SLC22A23: variants seen among roughly 807,000 people sequenced by gnomAD.
SLC22A23 encodes ion transporter protein.
SLC22A23 carries 26 observed loss-of-function variants against 61.0 expected under a neutral mutation model. That is an observed-to-expected ratio of 0.43 (90% CI 0.31 to 0.59). SLC22A23 has a LOEUF of 0.59. Ranked by LOEUF, SLC22A23 falls within the 20% of genes least tolerant of loss-of-function variation. The pLI is 0.11. For synonymous variants in SLC22A23, 430 were observed against 413.9 expected, an observed-to-expected ratio of 1.04 and a Z score of -0.47; for missense variants, 796 against 934.7, an observed-to-expected ratio of 0.85 and a Z score of 1.94.
At chr6:3,294,684 A>G (rs1034582609) in intron 5 of SLC22A23, among the ~76,000 whole-genome samples, 2 of 152,146 alleles carry the variant, frequency 1.3e-5, no homozygotes, top group Non-Finnish European at 2.9e-5. Flanking sequence ...ATGACACAGG[A>G]GTGCTCTCAG....
At chr6:3,336,735 G>A (rs1410940485) in intron 3 of SLC22A23, among the ~76,000 whole-genome samples, 1 of 151,620 alleles carries the variant, frequency 6.6e-6, no homozygotes, top group East Asian at 1.9e-4. Flanking sequence ...ACTTCCATGT[G>A]GAAATTTATT....
At chr6:3,401,169 C>A (rs946179336) in intron 3 of SLC22A23, among the ~76,000 whole-genome samples, 1 of 152,320 alleles carries the variant, frequency 6.6e-6, no homozygotes, top group Admixed American at 6.5e-5. Flanking sequence ...TGGCAAAACC[C>A]CGTCTCTACT....
chr6:3,273,725 C>T (rs1441950130), intron 9 of SLC22A23, among the ~76,000 whole-genome samples: 1 of 152,014 alleles, frequency 6.6e-6, no homozygotes, highest in African/African-American at 2.4e-5. Flanking sequence ...GAAAGGCAGC[C>T]TTATATAATA....
chr6:3,294,206 T>C (rs13192615), intron 5 of SLC22A23, among the ~76,000 whole-genome samples: 12,233 of 152,138 alleles, frequency 0.08, 1,091 homozygotes, highest in African/African-American at 0.22. Context: ...ATGAGATACA[T>C]ATGAAGCGCT....
At chr6:3,320,397 C>G (rs2095548242) in intron 4 of SLC22A23, among the ~76,000 whole-genome samples, 1 of 152,158 alleles carries the variant, frequency 6.6e-6, no homozygotes, top group South Asian at 2.1e-4. Flanking sequence ...GGGGACCGTG[C>G]CTCGTGCAGC....
chr6:3,384,197 G>A (rs1767137094), intron 3 of SLC22A23, among the ~76,000 whole-genome samples: 1 of 152,230 alleles, frequency 6.6e-6, no homozygotes, highest in African/African-American at 2.4e-5. Flanking sequence ...TCATGCACCT[G>A]TAGGGCTGCA....
At chr6:3,384,388 G>A (rs114572317) in intron 3 of SLC22A23, among the ~76,000 whole-genome samples, 1,591 of 152,230 alleles carry the variant, frequency 0.01, 16 homozygotes, top group Middle Eastern at 0.017. Context: ...TAAAAATTAC[G>A]AATGCTGTAA....
chr6:3,405,445 C>T (rs930808349), intron 3 of SLC22A23, among the ~76,000 whole-genome samples: 12 of 151,984 alleles, frequency 7.9e-5, no homozygotes, highest in African/African-American at 2.2e-4. Context: ...GACAAAGAGA[C>T]GACCGAGCAC....
rs1763695051 is a variant in SLC22A23 at position 3,333,583 on chromosome 6, T to C, written c.914-9581A>G. The stretch of plus-strand genomic sequence containing the variant: ...TGTCCTCCCCAGGGAGTTGCATATC[T>C]CCCTCCTCCTTTTCTCAGGTCTCTA... On this transcript the variant is annotated intron_variant, in intron 3 of 9. Coordinates refer to ENST00000406686, the MANE Select transcript of SLC22A23 (RefSeq NM_015482.2). This position sits in a 1 kb window ranked among gnomAD's most constrained non-coding sequence, Gnocchi z 4.1. 6.6e-6 allele frequency among the ~76,000 whole-genome samples: 1 copy of C among 152,090 alleles called. No individual in the cohort carries two copies. Among genetic ancestry groups the C allele is most frequent in the Non-Finnish European group, 1.5e-5 (1 of 68,022 alleles).
At chr6:3,369,510 G>A (rs1190597712) in intron 3 of SLC22A23, among the ~76,000 whole-genome samples, 2 of 152,118 alleles carry the variant, frequency 1.3e-5, no homozygotes, top group African/African-American at 4.8e-5. Context: ...GGCCAACATG[G>A]TGAAACCCCA....
rs1054891539 is a variant in SLC22A23 at position 3,329,901 on chromosome 6, G to A, written c.914-5899C>T. Among the ~76,000 whole-genome samples, 7 of 152,224 alleles carry A rather than the reference G, an allele frequency of 4.6e-5. No homozygotes were observed. Among genetic ancestry groups the A allele is most frequent in the Non-Finnish European group, 4.4e-5 (3 of 68,018 alleles). On this transcript the variant is annotated intron_variant, in intron 3 of 9. Coordinates refer to ENST00000406686, the MANE Select transcript of SLC22A23 (RefSeq NM_015482.2). This position sits in a 1 kb window ranked among gnomAD's most constrained non-coding sequence, Gnocchi z 4.8. ...GGTGAGACGGGCTCAGGAAAGGACAGCGTCTGCCCACACTGCTCAGGCTCC... is the reference window on the plus strand; with the variant it reads ...GGTGAGACGGGCTCAGGAAAGGACAACGTCTGCCCACACTGCTCAGGCTCC...
At chr6:3,310,828 C>G (rs1385001474) in intron 4 of SLC22A23, among the ~76,000 whole-genome samples, 2 of 152,194 alleles carry the variant, frequency 1.3e-5, no homozygotes, top group African/African-American at 4.8e-5. Context: ...ATGAGACGCA[C>G]GTCTACCCTC....
intron 3 of SLC22A23, among the ~76,000 whole-genome samples, chr6:3,397,005 G>T (rs962562234): frequency 1.3e-5 from 2 of 152,016 alleles, no homozygotes; most frequent in Non-Finnish European, 2.9e-5. Flanking sequence ...AGAGCACCCC[G>T]TCACGCACGC....
intron 3 of SLC22A23, among the ~76,000 whole-genome samples, chr6:3,345,957 G>A (rs942266051): frequency 2.6e-5 from 4 of 152,152 alleles, no homozygotes; most frequent in African/African-American, 9.7e-5. Flanking sequence ...AGTGTTGGCT[G>A]CTGTGGCCTT....
rs184601707 is a variant in SLC22A23, at chr6:3,392,215, C to A, written c.913+17973G>T. 2.0e-5 allele frequency among the ~76,000 whole-genome samples: 3 copies of A among 152,268 alleles called. No homozygotes were observed. In the East Asian group the frequency reaches 5.8e-4, roughly 29 times the overall value. On this transcript the variant is annotated intron_variant, in intron 3 of 9. Coordinates refer to ENST00000406686, the MANE Select transcript of SLC22A23 (RefSeq NM_015482.2). ...GGTACCCATGACTTCTGAGCAGTGA[C>A]CTGAAGGGGAAGGAGTGTTCCTTCT...
rs1291064635 is a variant in SLC22A23, at chr6:3,287,034, C to T, written c.1371G>A (p.Val457=). The change falls in exon 7 of 10, where the codon GTG becomes GTA. Residue 457 remains valine (V), a synonymous_variant. Transcript: ENST00000406686. ...AGAAGTTCTCCAGGAGCGGCACCTT[C>T]ACCTCGTGGCCCATCATGCTCCTGG... The part of the protein sequence containing the change: ...CFARSMMGHE[V]KVPLLENFYA... The T allele has an allele frequency of 9.9e-6, 16 of 1,614,112 alleles. 1 individual carries two copies. Among genetic ancestry groups the T allele is most frequent in the African/African-American group, 1.3e-5 (1 of 74,938 alleles).
At chr6:3,432,260 C>G (rs1326573578) in intron 1 of SLC22A23, 42 of 985,364 alleles carry the variant, frequency 4.3e-5, no homozygotes, top group Non-Finnish European at 4.8e-5. Context: ...AAGCTCTGTT[C>G]CTCTGCTGAG....
chr6:3,332,155 A>G (rs1763617169), intron 3 of SLC22A23, among the ~76,000 whole-genome samples: 2 of 152,224 alleles, frequency 1.3e-5, no homozygotes, highest in African/African-American at 2.4e-5. Flanking sequence ...GCTCTGTCCC[A>G]TAACAGCATG....
chr6:3,431,536 A>G (rs1770863414), intron 1 of SLC22A23, among the ~76,000 whole-genome samples: 1 of 152,202 alleles, frequency 6.6e-6, no homozygotes, highest in African/African-American at 2.4e-5. Context: ...TGAGCTCAGA[A>G]AGAGTAGGGT....
Sources: allele counts gnomAD v4.1 joint callset (sites outside exome capture counted in the v4.1 genomes callset), GRCh38; gene constraint gnomAD v4.1.1; non-coding constraint Gnocchi (gnomAD v3.1); transcripts MANE v1.5; gene names NCBI Gene and HGNC (gene_info 2026-07-23, HGNC 2026-07-21).